RANBP17: variants seen among roughly 807,000 people sequenced by gnomAD.
RANBP17 encodes the protein RAN binding protein 17, also known as ran-binding protein 17.
Under a neutral mutation model 141.2 loss-of-function variants are expected in RANBP17, and 158 were observed. That is an observed-to-expected ratio of 1.12 (90% CI 0.98 to 1.28). RANBP17 has a LOEUF of 1.28. RANBP17 is among the 50% of genes most tolerant of loss of function. The probability of loss-of-function intolerance (pLI) is 0.00; values close to 1 mark genes in which losing one functional copy is unlikely to be tolerated. For synonymous variants in RANBP17, 430 were observed against 450.0 expected, an observed-to-expected ratio of 0.96 and a Z score of 0.56; for missense variants, 1,438 against 1,290.7, an observed-to-expected ratio of 1.11 and a Z score of -1.75.
intron 14 of RANBP17, among the ~76,000 whole-genome samples, chr5:171,059,596 G>A (rs1351409867): frequency 9.9e-5 from 15 of 152,034 alleles, no homozygotes; most frequent in East Asian, 1.9e-4. Flanking sequence ...GTCAGGTAGC[G>A]TGATGCCTCC....
intron 24 of RANBP17, among the ~76,000 whole-genome samples, chr5:171,255,690 G>A (rs1765837869): frequency 1.3e-5 from 2 of 152,102 alleles, no homozygotes; most frequent in South Asian, 4.1e-4. Flanking sequence ...AGGGTTGGGG[G>A]AGAAAATACA....
At chr5:171,190,531 G>GA (rs1761557172) in intron 18 of RANBP17, among the ~76,000 whole-genome samples, 1 of 151,962 alleles carries the variant, frequency 6.6e-6, no homozygotes, top group African/African-American at 2.4e-5. Context: ...TTCACGTGCA[G>GA]AAAAAAATGG....
intron 5 of RANBP17, among the ~76,000 whole-genome samples, chr5:170,906,577 T>C (rs957405672): frequency 6.6e-6 from 1 of 152,016 alleles, no homozygotes; most frequent in Non-Finnish European, 1.5e-5. Context: ...CCTGTTGTAA[T>C]TAATACATAT....
intron 14 of RANBP17, among the ~76,000 whole-genome samples, chr5:171,019,904 G>T (rs1326708793): frequency 1.3e-5 from 2 of 152,020 alleles, no homozygotes; most frequent in Non-Finnish European, 2.9e-5. Context: ...TTCTGATATG[G>T]GCATTTAGTG....
chr5:171,148,624 A>G (rs1318645839), intron 14 of RANBP17, among the ~76,000 whole-genome samples: 2 of 151,878 alleles, frequency 1.3e-5, no homozygotes, highest in African/African-American at 4.8e-5. Flanking sequence ...ATAGAGAGAG[A>G]GAGAGAACAT....
chr5:171,193,584 T>C (rs1050634896), intron 18 of RANBP17, among the ~76,000 whole-genome samples: 12 of 152,184 alleles, frequency 7.9e-5, no homozygotes, highest in African/African-American at 2.9e-4. Context: ...GATGTCCAAA[T>C]GGGTCTCAGG....
intron 14 of RANBP17, among the ~76,000 whole-genome samples, chr5:171,136,561 T>C (rs1757300830): frequency 6.6e-6 from 1 of 152,120 alleles, no homozygotes; most frequent in Non-Finnish European, 1.5e-5. Context: ...TTGAGCAGGA[T>C]CAAAAATGAA....
intron 14 of RANBP17, among the ~76,000 whole-genome samples, chr5:171,031,003 CAT>C (rs1781516598): frequency 6.6e-6 from 1 of 151,936 alleles, no homozygotes; most frequent in Admixed American, 6.6e-5. Context: ...TAGGTAGACA[CAT>C]ATGTGAACTT....
chr5:171,168,926 T>A (rs1046419191), intron 14 of RANBP17, among the ~76,000 whole-genome samples: 5 of 151,996 alleles, frequency 3.3e-5, no homozygotes, highest in Admixed American at 2.0e-4. Context: ...CCTCTACACC[T>A]AACCCTTCCT....
At chr5:171,297,915 G>A (rs1768924559) in intron 27 of RANBP17, among the ~76,000 whole-genome samples, 1 of 144,290 alleles carries the variant, frequency 6.9e-6, no homozygotes, top group Non-Finnish European at 1.5e-5. Context: ...GAGTGCAGTG[G>A]CGTGATCTCA....
chr5:170,993,453 T>G (rs1778634232), intron 14 of RANBP17, among the ~76,000 whole-genome samples: 1 of 152,038 alleles, frequency 6.6e-6, no homozygotes, highest in Admixed American at 6.6e-5. Flanking sequence ...GTACCAAGAT[T>G]AGGTCAGCAG....
intron 10 of RANBP17, 150 bp from the exon 11 acceptor site, chr5:170,919,291 G>A (rs1418140480): frequency 2.0e-6 from 1 of 509,014 alleles, no homozygotes; most frequent in East Asian, 3.3e-5. Context: ...ATACTTTTTT[G>A]CATTTATAAA....
intron 3 of RANBP17, among the ~76,000 whole-genome samples, chr5:170,886,505 G>A (rs1197348790): frequency 2.0e-5 from 3 of 151,984 alleles, no homozygotes; most frequent in Middle Eastern, 6.3e-3. Context: ...CAATCTAAGC[G>A]TGTGTGTAAG....
intron 14 of RANBP17, among the ~76,000 whole-genome samples, chr5:171,160,652 T>C (rs925363055): frequency 6.6e-6 from 1 of 152,162 alleles, no homozygotes; most frequent in African/African-American, 2.4e-5. Flanking sequence ...ACCTCCTATT[T>C]TGTGATATTA....
chr5:171,207,723 T>C (rs1192868120), intron 20 of RANBP17: 1 of 152,194 alleles, frequency 6.6e-6, no homozygotes, highest in East Asian at 1.9e-4. Flanking sequence ...GGGCTTTTCA[T>C]AATTGTATTG....
At chr5:171,186,539 T>TC (rs1203390853) in intron 18 of RANBP17, among the ~76,000 whole-genome samples, 1 of 89,806 alleles carries the variant, frequency 1.1e-5, no homozygotes, top group African/African-American at 3.8e-5. Context: ...TTTTTTTTTT[T>TC]TTTTTTTTTT....
intron 1 of RANBP17, among the ~76,000 whole-genome samples, chr5:170,877,423 C>A (rs1308208341): frequency 6.6e-6 from 1 of 151,942 alleles, no homozygotes; most frequent in African/African-American, 2.4e-5. Flanking sequence ...CCCTACTATA[C>A]CCAGCTACTT....
At chr5:171,039,941 T>C (rs1018748834) in intron 14 of RANBP17, among the ~76,000 whole-genome samples, 2 of 152,048 alleles carry the variant, frequency 1.3e-5, no homozygotes, top group Non-Finnish European at 2.9e-5. Context: ...TTCTACCACA[T>C]GTACATAGAA....
intron 14 of RANBP17, among the ~76,000 whole-genome samples, chr5:171,089,784 C>T (rs1469770266): frequency 6.6e-6 from 1 of 152,224 alleles, no homozygotes; most frequent in African/African-American, 2.4e-5. Flanking sequence ...CCTTGCACTT[C>T]CCAGGTGAGG....
Sources: allele counts gnomAD v4.1 joint callset (sites outside exome capture counted in the v4.1 genomes callset), GRCh38; gene constraint gnomAD v4.1.1; transcripts MANE v1.5; gene names NCBI Gene and HGNC (gene_info 2026-07-23, HGNC 2026-07-21).